Variants in PLOD3 observed in about 807,000 individuals in gnomAD.
PLOD3 encodes the protein procollagen-lysine,2-oxoglutarate 5-dioxygenase 3, also known as multifunctional procollagen lysine hydroxylase and glycosyltransferase LH3.
PLOD3 carries 73 observed loss-of-function variants against 96.9 expected under a neutral mutation model. The ratio of observed to expected loss-of-function variants is 0.75; its 90% CI spans 0.62 to 0.92. The LOEUF (loss-of-function observed/expected upper bound fraction) is 0.92. Among genes scored for constraint, PLOD3 ranks in the 40% least tolerant of loss-of-function variants. The pLI is 0.00. For missense variants in PLOD3, 1,004 were observed against 1,004.3 expected (o/e 1.00, Z 0.00); for synonymous variants, 454 against 413.7 (o/e 1.10, Z -1.18).
chr7:101,217,216 G>A lies in PLOD3; in HGVS notation c.59C>T (p.Pro20Leu). 6.7e-7 allele frequency: 1 copy of A among 1,500,164 alleles called. No homozygotes were observed. The highest frequency in any genetic ancestry group is 8.9e-7 in the Non-Finnish European group (1 of 1,126,514). 92.9% of individuals were successfully genotyped at this position (1,500,164 alleles called of 1,614,324 possible). A position where few individuals can be genotyped will look rare whatever the true frequency, so the allele number is the denominator to read the frequency against. ...GGGCCGGTCGGAGGCTGAGGCCGCA[G>A]GGGGCAGCAGCAGCGGCAGCAGCAG... is the stretch of plus-strand genomic sequence containing the variant. ...FLLLLPLLLP[P>L]AASASDRPRG... The change falls in exon 1 of 19, where the codon CCT becomes CTT. Residue 20 changes from proline to leucine, a missense_variant. By Grantham distance (98) the Pro-to-Leu change is moderately conservative. Coordinates refer to ENST00000223127, the MANE Select transcript of PLOD3 (RefSeq NM_001084.5).
intron 18 of PLOD3, 93 bp downstream of exon 18, chr7:101,206,686 G>A: frequency 1.4e-6 from 2 of 1,394,570 alleles, no homozygotes; most frequent in Non-Finnish European, 2.0e-6. Context: ...GAAATGGGCA[G>A]GGAGGGGAGC....
chr7:101,206,966 GTAT>G (rs935421165), intron 17 of PLOD3, 62 bp from the exon 18 acceptor site: 8 of 1,519,726 alleles, frequency 5.3e-6, no homozygotes, highest in Admixed American at 2.0e-5. Context: ...CTTTTATTTT[GTAT>G]TATTATTATT....
intron 15 of PLOD3, 116 bp downstream of exon 15, chr7:101,209,977 A>G (rs111354386): frequency 1.6e-6 from 1 of 623,906 alleles, no homozygotes; most frequent in Non-Finnish European, 2.9e-6. Flanking sequence ...TTGTCTGAAC[A>G]GAAAACCCTC....
At position 101,212,382 on chromosome 7, in the gene PLOD3, G is replaced by A; in HGVS notation, c.1006-8C>T. 3 of 1,613,314 alleles carry A rather than the reference G, an allele frequency of 1.9e-6. No individual in the cohort carries two copies. Among genetic ancestry groups the A allele is most frequent in the South Asian group, 2.2e-5 (2 of 91,064 alleles). On this transcript the variant is annotated splice_polypyrimidine_tract_variant and splice_region_variant and intron_variant, in intron 9 of 18. Transcript: ENST00000223127. ...GGGTTCATGGAAGACCTCCTGGGAG[G>A]GGAAGACATAGGGGGATGGGCTCAG...
rs181506138 is a variant in PLOD3, at chr7:101,212,685, G to C, written c.880-30C>G. On this transcript the variant is annotated intron_variant, in intron 8 of 18. Transcript: ENST00000223127. ...AAGATGCAACACGCAGGGACTCAGAGAGAAGCCCGGACTTCCCTGCTGCCC... is the reference window on the plus strand; with the variant it reads ...AAGATGCAACACGCAGGGACTCAGACAGAAGCCCGGACTTCCCTGCTGCCC... 1.7e-4 allele frequency: 280 copies of C among 1,612,436 alleles called. 1 individual carries two copies. In the African/African-American group the frequency reaches 3.4e-3, roughly 19 times the overall value.
In PLOD3 at chr7:101,212,868, C is replaced by T. The variant is rs1395136416; in HGVS notation, c.853G>A (p.Asp285Asn). The T allele has an allele frequency of 1.2e-6, 2 of 1,613,442 alleles. No homozygotes were observed. Among genetic ancestry groups the T allele is most frequent in the Non-Finnish European group, 1.7e-6 (2 of 1,179,598 alleles). Residue 285 changes from aspartate (D) to asparagine (N), a missense_variant, in exon 8 of 19, where the codon GAC (aspartate) becomes AAC (asparagine). This residue lies in a region of PLOD3 where 690 missense variants were observed against 650.2 expected (regional missense o/e 1.06). Coordinates refer to ENST00000223127, the MANE Select transcript of PLOD3 (RefSeq NM_001084.5). ...PEGGCGFCNQ[D>N]RRTLPGGQPP... is the part of the protein sequence containing the mutation. The stretch of plus-strand genomic sequence containing the variant: ...TGCCCCCCCGGGAGTGTCCTCCGGT[C>T]CTGGTTGCAGAAGCCACAGCCTCCC...
Position 101,216,737 on chromosome 7 carries a change from C to G in PLOD3, c.159G>C (p.Leu53=). The G allele has an allele frequency of 6.2e-7, 1 of 1,614,082 alleles. No homozygotes were observed. Among genetic ancestry groups the G allele is most frequent in the Non-Finnish European group, 8.5e-7 (1 of 1,179,960 alleles). ...TVATAETEGY[L]RFLRSAEFFN... ...AGAACTCCGCAGAGCGCAGGAAACGCAGGTACCCCTCGGTTTCAGCTGTGG... is the reference window on the plus strand; with the variant it reads ...AGAACTCCGCAGAGCGCAGGAAACGGAGGTACCCCTCGGTTTCAGCTGTGG... Residue 53 remains leucine (L), a synonymous_variant, in exon 2 of 19, where the codon CTG becomes CTC. Transcript: ENST00000223127.
At position 101,212,845 on chromosome 7, in the gene PLOD3, C is replaced by T. The variant is rs1584253967; in HGVS notation, c.876G>A (p.Gly292=). ...CTCCCTGGCACCCCCACCTCACCTG[C>T]CCCCCCGGGAGTGTCCTCCGGTCCT... ...CNQDRRTLPG[G]QPPPRVFLAV... Residue 292 remains glycine (G), a synonymous_variant, in exon 8 of 19, where the codon GGG becomes GGA. Coordinates refer to ENST00000223127, the MANE Select transcript of PLOD3 (RefSeq NM_001084.5). 1 of 1,603,886 alleles carries T rather than the reference C, an allele frequency of 6.2e-7. No homozygotes were observed. The highest frequency in any genetic ancestry group is 8.5e-7 in the Non-Finnish European group (1 of 1,171,646).
intron 17 of PLOD3, 89 bp downstream of exon 17, chr7:101,207,489 G>C: frequency 1.4e-6 from 2 of 1,380,562 alleles, no homozygotes; most frequent in Non-Finnish European, 1.0e-6. Context: ...CCCAAATGCT[G>C]CCGGGGCCGA....
chr7:101,216,697 G>A lies in PLOD3; in HGVS notation c.199C>T (p.Arg67Trp), dbSNP rs771521329. The change falls in exon 2 of 19, where the codon CGG becomes TGG. Residue 67 changes from arginine to tryptophan, a missense_variant and splice_region_variant. Physicochemically the swap from Arg to Trp is moderately radical, Grantham distance 101. Transcript: ENST00000223127. ...RSAEFFNYTV[R>W]TLGLGEEWRG... is the part of the protein sequence containing the mutation. The stretch of plus-strand genomic sequence containing the variant: ...CAGGGGCCTTTCCCTCTCCTCACCC[G>A]CACAGTGTAGTTGAAGAACTCCGCA... The A allele has an allele frequency of 1.9e-6, 3 of 1,612,610 alleles. No individual in the cohort carries two copies. Among genetic ancestry groups the A allele is most frequent in the South Asian group, 2.2e-5 (2 of 91,050 alleles).
In PLOD3 at chr7:101,216,509, A is replaced by T; in HGVS notation, c.239T>A (p.Val80Glu). ...GLGEEWRGGDVARTVGGGQKV... is the reference protein window; with the variant it reads ...GLGEEWRGGDEARTVGGGQKV... ...CTGTCCTCCACCAACTGTTCGAGCC[A>T]CATCACCCCCTCGCCACTCCTCTCC... The change falls in exon 3 of 19, where the codon GTG (valine) becomes GAG (glutamate). Residue 80 changes from valine (V) to glutamate (E), a missense_variant. This residue lies in a region of PLOD3 where 690 missense variants were observed against 650.2 expected (regional missense o/e 1.06). Coordinates refer to ENST00000223127, the MANE Select transcript of PLOD3 (RefSeq NM_001084.5). 6.2e-7 allele frequency: 1 copy of T among 1,613,852 alleles called. No homozygotes were observed.
intron 5 of PLOD3, among the ~76,000 whole-genome samples, chr7:101,215,541 T>C (rs1798256135): frequency 6.6e-6 from 1 of 152,206 alleles, no homozygotes; most frequent in African/African-American, 2.4e-5. Context: ...AGTCTCATTC[T>C]GTCACCCAGG....
Position 101,216,435 on chromosome 7 carries a change from C to G in PLOD3, c.313G>C (p.Asp105His). ...KEMEKYADRE[D>H]MIIMFVDSYD... ...CTATCCACAAACATGATGATCATAT[C>G]CTCCCGGTCAGCGTATTTCTCCATT... Residue 105 changes from aspartate to histidine, a missense_variant, in exon 3 of 19, where the codon GAT (aspartate) becomes CAT (histidine). Asp to His is a moderately conservative substitution (Grantham distance 81). Around this residue, in one of 5 missense-constraint regions of PLOD3, gnomAD observed 690 missense variants for 650.2 expected, o/e 1.06. Coordinates refer to ENST00000223127, the MANE Select transcript of PLOD3 (RefSeq NM_001084.5). 4 of 1,614,174 alleles carry G rather than the reference C, an allele frequency of 2.5e-6. No homozygotes were observed. Among genetic ancestry groups the G allele is most frequent in the Non-Finnish European group, 3.4e-6 (4 of 1,180,030 alleles).
At chr7:101,215,360 G>A (rs1052069020) in intron 5 of PLOD3, among the ~76,000 whole-genome samples, 1 of 152,206 alleles carries the variant, frequency 6.6e-6, no homozygotes, top group Admixed American at 6.5e-5. Context: ...CTACAGGAGA[G>A]TGTCACCACG....
chr7:101,216,362 T>C (rs371427917), intron 3 of PLOD3, 36 bp from the exon 4 acceptor site: 8 of 1,613,598 alleles, frequency 5.0e-6, no homozygotes, highest in African/African-American at 1.3e-5. Context: ...AGGGGTCCAC[T>C]GGGAACCTCA....
chr7:101,206,446 G>C lies in PLOD3; in HGVS notation c.2062-10C>G. 6.3e-7 allele frequency: 1 copy of C among 1,585,852 alleles called. No individual in the cohort carries two copies. The highest frequency in any genetic ancestry group is 8.6e-7 in the Non-Finnish European group (1 of 1,166,810). On this transcript the variant is annotated splice_polypyrimidine_tract_variant and intron_variant, in intron 18 of 18. Coordinates refer to ENST00000223127, the MANE Select transcript of PLOD3 (RefSeq NM_001084.5). ...AGCGGCAGCCACCTCCCTGGAAAGA[G>C]AAGGGAAAGGAAACATGGAGTGAGC... is the stretch of plus-strand genomic sequence containing the variant.
Position 101,213,193 on chromosome 7 carries a change from A to G in PLOD3, c.691T>C (p.Leu231=). Residue 231 remains leucine, a synonymous_variant, in exon 7 of 19, where the codon TTA becomes CTA. Transcript: ENST00000223127. ...CGCACACGGTTCCGATCAAACTTTAAAACCACTTCATCTGGGGAAGAAAAA... is the reference window on the plus strand; with the variant it reads ...CGCACACGGTTCCGATCAAACTTTAGAACCACTTCATCTGGGGAAGAAAAA... ...NLNGALDEVV[L]KFDRNRVRIR... The G allele has an allele frequency of 6.2e-7, 1 of 1,611,740 alleles. No individual in the cohort carries two copies. The highest frequency in any genetic ancestry group is 8.5e-7 in the Non-Finnish European group (1 of 1,177,944).
chr7:101,208,675 AC>A, intron 16 of PLOD3, 177 bp downstream of exon 16: 1 of 627,382 alleles, frequency 1.6e-6, no homozygotes. Context: ...GGCATGAGCC[AC>A]TGTGCCCAGC....
Position 101,216,524 on chromosome 7 carries a change from C to T in PLOD3, c.224G>A (p.Trp75Ter), listed in dbSNP as rs767079214. 5 of 1,614,056 alleles carry T rather than the reference C, an allele frequency of 3.1e-6. No homozygotes were observed. In the Admixed American group the frequency reaches 8.3e-5, roughly 27 times the overall value. ...TVRTLGLGEEWRGGDVARTVG... is the reference protein window; with the variant it reads ...TVRTLGLGEE ...TGTTCGAGCCACATCACCCCCTCGC[C>T]ACTCCTCTCCCAGGCCCAGGGTCTG... The change falls in exon 3 of 19, where the codon TGG (tryptophan) becomes TAG (stop). Residue 75 changes from tryptophan to a stop codon, truncating the protein, a stop_gained. Coordinates refer to ENST00000223127, the MANE Select transcript of PLOD3 (RefSeq NM_001084.5). LOFTEE classifies it high-confidence loss of function.
Sources: allele counts gnomAD v4.1 joint callset (sites outside exome capture counted in the v4.1 genomes callset), GRCh38; gene constraint gnomAD v4.1.1; regional missense constraint gnomAD v4.1.1; transcripts MANE v1.5; gene names NCBI Gene and HGNC (gene_info 2026-07-23, HGNC 2026-07-21).